KLRG2: variants seen among roughly 807,000 people sequenced by gnomAD.
KLRG2 encodes killer cell lectin like receptor G2.
Under a neutral mutation model 35.4 loss-of-function variants are expected in KLRG2, and 39 were observed. The ratio of observed to expected loss-of-function variants is 1.10; its 90% CI spans 0.85 to 1.44. KLRG2 has a LOEUF of 1.44. Ranked by LOEUF, KLRG2 falls within the 40% of genes most tolerant of loss-of-function variation. KLRG2 has a pLI of 0.00. For synonymous variants in KLRG2, 283 were observed against 265.8 expected (o/e 1.06, Z -0.63); for missense variants, 632 against 570.9 (o/e 1.11, Z -1.09).
At chr7:139,431,338 G>A in the KLRG2 span, among the ~76,000 whole-genome samples, 1 of 152,088 alleles carries the variant, frequency 6.6e-6, no homozygotes, top group African/African-American at 2.4e-5. Flanking sequence ...TTACATGGGT[G>A]CCTACATTTG....
At chr7:139,473,666 A>T (rs1016440796) in intron 3 of KLRG2, among the ~76,000 whole-genome samples, 6 of 152,212 alleles carry the variant, frequency 3.9e-5, no homozygotes, top group Non-Finnish European at 8.8e-5. Flanking sequence ...ACCAGCATCC[A>T]CAATGAGATA....
At chr7:139,437,833 C>A in the KLRG2 span, among the ~76,000 whole-genome samples, 36,915 of 152,112 alleles carry the variant, frequency 0.24, 5,378 homozygotes, top group African/African-American at 0.41. Flanking sequence ...TGTTTGAGAT[C>A]ATCTCTGGTC....
chr7:139,429,975 C>G, the KLRG2 span, among the ~76,000 whole-genome samples: 1 of 151,736 alleles, frequency 6.6e-6, no homozygotes, highest in Non-Finnish European at 1.5e-5. Context: ...TGACCCCCCC[C>G]ATATGGGTGT....
chr7:139,470,678 C>T (rs1371813817), intron 3 of KLRG2, among the ~76,000 whole-genome samples: 1 of 152,062 alleles, frequency 6.6e-6, no homozygotes, highest in Non-Finnish European at 1.5e-5. Flanking sequence ...GTGGTCCCAG[C>T]TACTTGGGAG....
At chr7:139,442,182 A>C in the KLRG2 span, among the ~76,000 whole-genome samples, 2 of 152,154 alleles carry the variant, frequency 1.3e-5, no homozygotes, top group Admixed American at 1.3e-4. Flanking sequence ...GCTGGAGTGA[A>C]CACAGGAGGT....
intron 3 of KLRG2, among the ~76,000 whole-genome samples, chr7:139,475,327 C>T (rs1004742793): frequency 6.6e-6 from 1 of 152,000 alleles, no homozygotes; most frequent in Admixed American, 6.6e-5. Flanking sequence ...GTCAGGAGAT[C>T]GAGACCATCC....
chr7:139,483,172 C>A lies in KLRG2; in HGVS notation c.471G>T (p.Glu157Asp), dbSNP rs191488392. Residue 157 changes from glutamate to aspartate, a missense_variant, in exon 1 of 5, where the codon GAG (glutamate) becomes GAT (aspartate). By Grantham distance (45) the Glu-to-Asp change is conservative. Transcript: ENST00000340940. ...CCGCGTGGCGGGAGAAGGCAGGGGA[C>A]TCGGGCACCGGCACCTTGAGGAAGC... ...STRFLKVPVP[E>D]SPAFSRHADP... The A allele has an allele frequency of 6.7e-7, 1 of 1,503,328 alleles. No individual in the cohort carries two copies. The highest frequency in any genetic ancestry group is 8.8e-7 in the Non-Finnish European group (1 of 1,133,416). The allele number at this position is 1,503,328 out of a possible 1,614,324, so 93.1% of individuals were successfully genotyped here.
rs186802780 is a variant in KLRG2, at chr7:139,454,626, T to C, written c.1006-412A>G. Among the ~76,000 whole-genome samples the C allele has an allele frequency of 2.8e-3, 419 of 150,684 alleles. 2 individuals carry two copies. The highest frequency in any genetic ancestry group is 0.015 in the South Asian group (73 of 4,724). On this transcript the variant is annotated intron_variant, in intron 3 of 4. Transcript: ENST00000340940. ...AGGCCAGGAGTTCGAGACCGGCCTG[T>C]CCAACATAGTGAAACCCCGTTTCTA...
the KLRG2 span, among the ~76,000 whole-genome samples, chr7:139,428,297 GT>G: frequency 6.6e-6 from 1 of 152,014 alleles, no homozygotes; most frequent in African/African-American, 2.4e-5. Flanking sequence ...CCAGGCTGGG[GT>G]GCAGTGGTGC....
chr7:139,483,573 T>G lies in KLRG2; in HGVS notation c.70A>C (p.Ser24Arg). The G allele has an allele frequency of 6.3e-7, 1 of 1,597,614 alleles. No individual in the cohort carries two copies. Among genetic ancestry groups the G allele is most frequent in the Non-Finnish European group, 8.5e-7 (1 of 1,178,624 alleles). ...GAELPMEPVG[S>R]LVPTLEQPQV... ...GGCTGCTCCAGCGTGGGGACCAGGC[T>G]TCCCACGGGCTCCATTGGGAGCTCT... Residue 24 changes from serine to arginine, a missense_variant, in exon 1 of 5, where the codon AGC (serine) becomes CGC (arginine). By Grantham distance (110) the Ser-to-Arg change is moderately radical (BLOSUM62 -1). Transcript: ENST00000340940.
At chr7:139,482,700 A>T (rs1260987872) in intron 1 of KLRG2, among the ~76,000 whole-genome samples, 186 bp downstream of exon 1, 1 of 152,162 alleles carries the variant, frequency 6.6e-6, no homozygotes, top group East Asian at 1.9e-4. Context: ...TGTGAATTAC[A>T]GTTACGTAGA....
chr7:139,442,277 C>T, the KLRG2 span, among the ~76,000 whole-genome samples: 3 of 152,150 alleles, frequency 2.0e-5, no homozygotes, highest in Non-Finnish European at 4.4e-5. Flanking sequence ...AGCAACTGTC[C>T]ACCATGAGCC....
chr7:139,454,708 T>C (rs1038154323), intron 3 of KLRG2, among the ~76,000 whole-genome samples: 1 of 151,138 alleles, frequency 6.6e-6, no homozygotes, highest in Admixed American at 6.6e-5. Flanking sequence ...CCCAGCTACT[T>C]GGGAGGCTGA....
In KLRG2 at chr7:139,483,421, G is replaced by T; in HGVS notation, c.222C>A (p.Arg74=). The part of the protein sequence containing the change: ...PSSKKKPPSP[R]PGSPRVPPLS... The stretch of plus-strand genomic sequence containing the variant: ...GCGGCGGCACGCGCGGGGACCCGGG[G>T]CGAGGCGAAGGCGGCTTTTTCTTGC... Residue 74 remains arginine (R), a synonymous_variant, in exon 1 of 5, where the codon CGC becomes CGA. Transcript: ENST00000340940. 6.4e-7 allele frequency: 1 copy of T among 1,556,488 alleles called. No homozygotes were observed. The highest frequency in any genetic ancestry group is 2.4e-5 in the East Asian group (1 of 41,304).
the KLRG2 span, among the ~76,000 whole-genome samples, chr7:139,441,781 CTT>C: frequency 1.3e-5 from 2 of 152,086 alleles, no homozygotes; most frequent in African/African-American, 4.8e-5. Flanking sequence ...TATTGAATCT[CTT>C]GATTCATCTA....
chr7:139,455,838 T>C (rs1040955630), intron 3 of KLRG2, among the ~76,000 whole-genome samples: 14 of 152,240 alleles, frequency 9.2e-5, no homozygotes, highest in Non-Finnish European at 1.6e-4. Flanking sequence ...AATGAACTTA[T>C]CTAAAGATAA....
At chr7:139,438,973 C>A in the KLRG2 span, among the ~76,000 whole-genome samples, 1 of 140,702 alleles carries the variant, frequency 7.1e-6, no homozygotes, top group Admixed American at 7.3e-5. Context: ...GGATTACAGG[C>A]GTGAGCCACC....
At chr7:139,468,429 G>C (rs919446134) in intron 3 of KLRG2, among the ~76,000 whole-genome samples, 28 of 152,050 alleles carry the variant, frequency 1.8e-4, no homozygotes, top group African/African-American at 6.0e-4. Flanking sequence ...TGGCTCATAA[G>C]CTCCCCAACT....
the KLRG2 span, among the ~76,000 whole-genome samples, chr7:139,427,218 T>C: frequency 6.6e-6 from 1 of 151,438 alleles, no homozygotes; most frequent in East Asian, 1.9e-4. Flanking sequence ...GTCAGCAGAG[T>C]AGTACTGGGG....
Sources: gnomAD v4.1 joint callset for allele counts (sites outside exome capture counted in the v4.1 genomes callset) on GRCh38, gnomAD v4.1.1 for gene constraint, MANE v1.5 for transcripts, NCBI Gene and HGNC (gene_info 2026-07-23, HGNC 2026-07-21) for gene names.